STPG2: variants seen among roughly 807,000 people sequenced by gnomAD.
STPG2 encodes the protein sperm-tail PG-rich repeat-containing protein 2.
Under a neutral mutation model 54.2 loss-of-function variants are expected in STPG2, and 56 were observed. The observed-to-expected ratio is 1.03, with a 90% CI of 0.83 to 1.29. STPG2 has a LOEUF of 1.29. Ranked by LOEUF, STPG2 falls within the 50% of genes most tolerant of loss-of-function variation. The pLI is 0.00. For synonymous variants in STPG2, 200 were observed against 181.8 expected (o/e 1.10, Z -0.81); for missense variants, 596 against 544.9 (o/e 1.09, Z -0.93).
intron 4 of STPG2, among the ~76,000 whole-genome samples, chr4:97,486,284 AC>A (rs1730355986): frequency 6.6e-6 from 1 of 151,704 alleles, no homozygotes; most frequent in Non-Finnish European, 1.5e-5. Context: ...CTGACAAAGG[AC>A]TAATATCCAG....
intron 7 of STPG2, among the ~76,000 whole-genome samples, chr4:97,949,863 G>GTGTTTTGTTTTTTGTTTTT (rs957675128): frequency 4.7e-5 from 7 of 147,568 alleles, no homozygotes; most frequent in Non-Finnish European, 1.0e-4. Flanking sequence ...ATATGCCTTT[G>GTGTTTTGTTTTTTGTTTTT]TGTTTTGTTT....
intron 7 of STPG2, among the ~76,000 whole-genome samples, chr4:97,969,293 A>G (rs1044535941): frequency 6.6e-6 from 1 of 152,202 alleles, no homozygotes; most frequent in Non-Finnish European, 1.5e-5. Flanking sequence ...TGCACACACT[A>G]TGTCGTAAAT....
chr4:97,862,668 T>C (rs1729600600), intron 8 of STPG2, among the ~76,000 whole-genome samples: 1 of 152,108 alleles, frequency 6.6e-6, no homozygotes, highest in East Asian at 1.9e-4. Flanking sequence ...ACACCACACC[T>C]ATTCCAAAAT....
intron 4 of STPG2, among the ~76,000 whole-genome samples, chr4:97,476,432 C>A (rs774359269): frequency 1.3e-5 from 2 of 151,896 alleles, no homozygotes; most frequent in Admixed American, 1.3e-4. Context: ...AGTTTTAATA[C>A]CATTTCTTTT....
intron 4 of STPG2, among the ~76,000 whole-genome samples, chr4:97,476,702 A>G (rs1236092363): frequency 6.6e-6 from 1 of 152,092 alleles, no homozygotes; most frequent in Non-Finnish European, 1.5e-5. Flanking sequence ...ATTTTAGTTG[A>G]GCTTATTATT....
chr4:97,601,990 C>T (rs1344187391), intron 10 of STPG2, among the ~76,000 whole-genome samples: 1 of 134,866 alleles, frequency 7.4e-6, no homozygotes, highest in Non-Finnish European at 1.5e-5. Flanking sequence ...TCTATGTACC[C>T]CATATTTTGT....
At chr4:97,958,475 A>T (rs752785303) in intron 7 of STPG2, among the ~76,000 whole-genome samples, 2 of 152,184 alleles carry the variant, frequency 1.3e-5, no homozygotes, top group Non-Finnish European at 2.9e-5. Context: ...ACCAACTAGC[A>T]GTCTCTGCTC....
rs555514819 is a variant in STPG2 at position 97,624,917 on chromosome 4, G to C, written c.1321-65800C>G. On this transcript the variant is annotated intron_variant, in intron 10 of 10. Transcript: ENST00000295268. ...GTTTGTTTTTGTCAGATTTGTCAAA[G>C]ATCAGATAATTAAGGTTGAATGAGG... Among the ~76,000 whole-genome samples, 6 of 152,244 alleles carry C rather than the reference G, an allele frequency of 3.9e-5. No individual in the cohort carries two copies. The South Asian group carries it at 1.2e-3, about 32-fold the overall frequency.
intron 4 of STPG2, among the ~76,000 whole-genome samples, chr4:97,460,414 G>C (rs982243574): frequency 1.3e-5 from 2 of 151,496 alleles, no homozygotes; most frequent in African/African-American, 4.8e-5. Context: ...ATAGACATTT[G>C]AATTATTTTT....
chr4:97,784,518 C>A (rs1308167543), intron 9 of STPG2, among the ~76,000 whole-genome samples: 1 of 151,780 alleles, frequency 6.6e-6, no homozygotes, highest in Non-Finnish European at 1.5e-5. Context: ...GCCAAAAAAA[C>A]TTTCCTTCGT....
intron 8 of STPG2, among the ~76,000 whole-genome samples, chr4:97,887,056 G>T (rs1030510312): frequency 6.6e-6 from 1 of 152,170 alleles, no homozygotes; most frequent in East Asian, 1.9e-4. Flanking sequence ...TGTACAGCCT[G>T]TGGAACTGTG....
chr4:97,517,745 A>T (rs1233312168), intron 4 of STPG2, among the ~76,000 whole-genome samples: 4 of 152,134 alleles, frequency 2.6e-5, no homozygotes, highest in Non-Finnish European at 4.4e-5. Flanking sequence ...TTGACAAACC[A>T]CATTACTAAA....
At chr4:98,025,451 C>T (rs774024326) in intron 5 of STPG2, 45 of 463,192 alleles carry the variant, frequency 9.7e-5, no homozygotes, top group Admixed American at 5.8e-4. Flanking sequence ...ATTTAGAAGA[C>T]GAGGAAAGGG....
At chr4:97,788,207 C>T (rs1726884710) in intron 9 of STPG2, among the ~76,000 whole-genome samples, 1 of 151,962 alleles carries the variant, frequency 6.6e-6, no homozygotes, top group African/African-American at 2.4e-5. Flanking sequence ...ATTAACCATC[C>T]CCGCTTCCCC....
chr4:97,823,588 T>C (rs1175871056), intron 9 of STPG2, among the ~76,000 whole-genome samples: 1 of 152,226 alleles, frequency 6.6e-6, no homozygotes, highest in Non-Finnish European at 1.5e-5. Flanking sequence ...TTCATTTTAC[T>C]CTGTGGATTC....
At chr4:98,052,600 C>A (rs1022155018) in intron 5 of STPG2, among the ~76,000 whole-genome samples, 3 of 152,100 alleles carry the variant, frequency 2.0e-5, no homozygotes, top group Non-Finnish European at 4.4e-5. Flanking sequence ...ACATTTAGCA[C>A]TCCATTTTAA....
In STPG2 at chr4:97,967,698, A is replaced by C. The variant is rs191974845; in HGVS notation, c.933+4582T>G. ...TGCAATCAAATTAGAACTCAGGATT[A>C]AGAAACTCACTCAAAACCGCACAAT... On this transcript the variant is annotated intron_variant, in intron 7 of 10. Transcript: ENST00000295268. 1.5e-3 allele frequency among the ~76,000 whole-genome samples: 236 copies of C among 152,358 alleles called. 5 individuals are homozygous for C. The highest frequency in any genetic ancestry group is 0.013 in the Admixed American group (199 of 15,304).
chr4:97,666,713 T>C (rs1722538943), intron 10 of STPG2, among the ~76,000 whole-genome samples: 1 of 151,744 alleles, frequency 6.6e-6, no homozygotes, highest in African/African-American at 2.4e-5. Context: ...TGCTAAGCCT[T>C]GTGAACTCGG....
chr4:97,598,494 C>T (rs1733360841), intron 10 of STPG2, among the ~76,000 whole-genome samples: 1 of 151,682 alleles, frequency 6.6e-6, no homozygotes, highest in Non-Finnish European at 1.5e-5. Context: ...CTGCAGGCTT[C>T]ACACTACCCA....
Sources: gnomAD v4.1 joint callset for allele counts (sites outside exome capture counted in the v4.1 genomes callset) on GRCh38, gnomAD v4.1.1 for gene constraint, MANE v1.5 for transcripts, NCBI Gene and HGNC (gene_info 2026-07-23, HGNC 2026-07-21) for gene names.